The following RAD17 variants were observed in gnomAD, a reference collection of about 807,000 sequenced individuals.
RAD17 encodes the protein RAD17 checkpoint clamp loader component.
A neutral mutation model predicts 81.5 loss-of-function variants in RAD17; 31 were observed. The ratio of observed to expected loss-of-function variants is 0.38; its 90% CI spans 0.29 to 0.51. The LOEUF is 0.51. Among genes scored for constraint, RAD17 ranks in the 20% least tolerant of loss-of-function variants. The pLI is 0.88. For synonymous variants in RAD17, 261 were observed against 266.2 expected (o/e 0.98, Z 0.19); for missense variants, 681 against 781.2 (o/e 0.87, Z 1.53).
chr5:69,369,800 G>C, upstream of RAD17: 1 of 1,292,978 alleles, frequency 7.7e-7, no homozygotes, highest in Non-Finnish European at 1.1e-6. Context: ...GACCAGTCTG[G>C]AAGGTCCCCG....
intron 17 of RAD17, among the ~76,000 whole-genome samples, chr5:69,406,794 A>G (rs1469065843): frequency 5.3e-5 from 8 of 151,962 alleles, no homozygotes; most frequent in Admixed American, 5.3e-4. Flanking sequence ...GGTGTGAGCT[A>G]CCACACCGAA....
At chr5:69,403,228 C>T (rs1249672226) in intron 17 of RAD17, among the ~76,000 whole-genome samples, 1 of 152,128 alleles carries the variant, frequency 6.6e-6, no homozygotes, top group Admixed American at 6.6e-5. Flanking sequence ...ATTTAGTTTC[C>T]GTGTGTTTTT....
chr5:69,406,957 T>A (rs1414010908), intron 17 of RAD17, among the ~76,000 whole-genome samples: 4 of 151,744 alleles, frequency 2.6e-5, no homozygotes, highest in Non-Finnish European at 5.9e-5. Flanking sequence ...AGTAAATATA[T>A]ACAATTTTGT....
At chr5:69,412,194 G>A (rs1766053732) in intron 18 of RAD17, among the ~76,000 whole-genome samples, 1 of 151,990 alleles carries the variant, frequency 6.6e-6, no homozygotes, top group African/African-American at 2.4e-5. Flanking sequence ...CTGACCTCGT[G>A]ATCCGCCCAC....
chr5:69,414,661 G>T lies in RAD17; in HGVS notation c.*369G>T. The T allele has an allele frequency of 3.7e-6, 1 of 271,628 alleles. No homozygotes were observed. The highest frequency in any genetic ancestry group is 7.0e-6 in the Non-Finnish European group (1 of 142,926). 16.8% of individuals were successfully genotyped at this position (271,628 alleles called of 1,614,324 possible). ...ATTCAACAGTTTAGGATGCAATTAC[G>T]AGTGTAAACTGTGTGCCTTATTTAC... On this transcript the variant is annotated 3_prime_UTR_variant, in exon 19 of 19. Transcript: ENST00000354868.
intron 7 of RAD17, chr5:69,384,172 A>G (rs773432809): frequency 1.3e-5 from 2 of 152,082 alleles, no homozygotes; most frequent in African/African-American, 2.4e-5. Flanking sequence ...TCTCAAAACA[A>G]ACAAACCAAA....
Position 69,414,437 on chromosome 5 carries a change from C to T in RAD17, c.*145C>T. On this transcript the variant is annotated 3_prime_UTR_variant, in exon 19 of 19. Transcript: ENST00000354868. The stretch of plus-strand genomic sequence containing the variant: ...TCTTGTAGTATTTCATCACAAGAAA[C>T]CTACTCTTCTGTCATCTTGAAGTAA... The T allele has an allele frequency of 1.1e-6, 1 of 920,046 alleles. No homozygotes were observed. Among genetic ancestry groups the T allele is most frequent in the Non-Finnish European group, 1.6e-6 (1 of 623,914 alleles). The allele number at this position is 920,046 out of a possible 1,614,324, so 57.0% of individuals were successfully genotyped here. A position where few individuals can be genotyped will look rare whatever the true frequency, so the allele number is the denominator to read the frequency against.
intron 17 of RAD17, among the ~76,000 whole-genome samples, chr5:69,404,596 C>T (rs1428857059): frequency 6.6e-6 from 1 of 151,990 alleles, no homozygotes; most frequent in Non-Finnish European, 1.5e-5. Context: ...GGCAAAACCC[C>T]ACCTGTACTG....
chr5:69,403,466 C>G (rs1765398776), intron 17 of RAD17, among the ~76,000 whole-genome samples: 1 of 152,158 alleles, frequency 6.6e-6, no homozygotes, highest in African/African-American at 2.4e-5. Context: ...TTCATCATGT[C>G]CACTGCATAA....
rs17230068 is a variant in RAD17, at chr5:69,393,105, A to G, written c.1190-50A>G. On this transcript the variant is annotated intron_variant, in intron 13 of 18. Transcript: ENST00000354868. ...AAACTCTTCAAATGAGAGGTGCTAT[A>G]TAATTATAAAGAAGGTATTATCTTT... is the stretch of plus-strand genomic sequence containing the variant. The G allele has an allele frequency of 1.9e-4, 246 of 1,282,944 alleles. No homozygotes were observed. In the African/African-American group the frequency reaches 2.9e-3, roughly 15 times the overall value. The allele number at this position is 1,282,944 out of a possible 1,614,324, so 79.5% of individuals were successfully genotyped here.
chr5:69,384,189 T>C (rs990782835), intron 7 of RAD17: 3 of 152,052 alleles, frequency 2.0e-5, no homozygotes, highest in Admixed American at 2.0e-4. Flanking sequence ...CAAACCCTTA[T>C]CACTGAAGGT....
At chr5:69,372,247 T>C (rs773746937) in intron 4 of RAD17, 30 bp downstream of exon 4, 3 of 1,529,900 alleles carry the variant, frequency 2.0e-6, no homozygotes, top group East Asian at 4.5e-5. Flanking sequence ...TTTCCAGTGG[T>C]CTTCCTTTTT....
intron 15 of RAD17, among the ~76,000 whole-genome samples, chr5:69,395,537 G>T (rs955121841): frequency 6.6e-6 from 1 of 152,082 alleles, no homozygotes; most frequent in Non-Finnish European, 1.5e-5. Flanking sequence ...ATAACGAAAA[G>T]AGTATAATTG....
chr5:69,371,480 G>A lies in RAD17; in HGVS notation c.-253G>A, dbSNP rs2150758768. 9.2e-7 allele frequency: 1 copy of A among 1,085,412 alleles called. No homozygotes were observed. 67.2% of individuals were successfully genotyped at this position (1,085,412 alleles called of 1,614,324 possible). ...TGAATTATAGTTTAATGTACTGCAA[G>A]TCCTAAACTACGGATGGGAACTATT... On this transcript the variant is annotated 5_prime_UTR_variant, in exon 3 of 19. Transcript: ENST00000354868.
In RAD17 at chr5:69,377,623, G is replaced by GCATATATATGTATACATATGTATA. The variant is rs1561240139; in HGVS notation, c.351+2931_351+2932insGTATACATATATATGTATACATAT. 7.8e-4 allele frequency among the ~76,000 whole-genome samples: 12 copies of GCATATATATGTATACATATGTATA among 15,406 alleles called. 4 individuals are homozygous for GCATATATATGTATACATATGTATA. The highest frequency in any genetic ancestry group is 3.0e-3 in the African/African-American group (10 of 3,332). 10.1% of individuals were successfully genotyped at this position (15,406 alleles called of 152,430 possible). A position where few individuals can be genotyped will look rare whatever the true frequency, so the allele number is the denominator to read the frequency against. On this transcript the variant is annotated intron_variant, in intron 6 of 18. Transcript: ENST00000354868. The stretch of plus-strand genomic sequence containing the variant: ...CATATATATATGTATACATATATAT[G>GCATATATATGTATACATATGTATA]CATATATATGTATACATATATATAT...
At chr5:69,392,540 G>C (rs888899207) in intron 13 of RAD17, among the ~76,000 whole-genome samples, 8 of 151,870 alleles carry the variant, frequency 5.3e-5, no homozygotes, top group Non-Finnish European at 1.0e-4. Flanking sequence ...CCCTCCTTTT[G>C]ATAGCAAATG....
intron 4 of RAD17, among the ~76,000 whole-genome samples, 179 bp from the exon 5 acceptor site, chr5:69,373,651 G>T (rs1763145025): frequency 6.8e-6 from 1 of 146,486 alleles, no homozygotes; most frequent in East Asian, 2.0e-4. Flanking sequence ...CTGCAGTCCA[G>T]CCTGGGTGAC....
chr5:69,386,210 T>C lies in RAD17; in HGVS notation c.729T>C (p.Leu243=). ...ATGTGAGGATTGGTCGATGTCCTCTTATATTTATAATCTCGGACAGTCTCA... is the reference window on the plus strand; with the variant it reads ...ATGTGAGGATTGGTCGATGTCCTCTCATATTTATAATCTCGGACAGTCTCA... ...RKYVRIGRCP[L]IFIISDSLSG... The change falls in exon 10 of 19, where the codon CTT becomes CTC. Residue 243 remains leucine (L), a synonymous_variant. Coordinates refer to ENST00000354868, the MANE Select transcript of RAD17 (RefSeq NM_133338.3). The C allele has an allele frequency of 6.2e-7, 1 of 1,607,878 alleles. No individual in the cohort carries two copies. The highest frequency in any genetic ancestry group is 8.5e-7 in the Non-Finnish European group (1 of 1,176,560).
Position 69,396,438 on chromosome 5 carries a change from G to A in RAD17, c.1464G>A (p.Thr488=), listed in dbSNP as rs772310870. Residue 488 remains threonine (T), a synonymous_variant, in exon 16 of 19, where the codon ACG becomes ACA. Transcript: ENST00000354868. Reference sequence around the variant, plus strand: ...GGGAATATAGCACATCTATAGCTACGAGAGGTGTGATGCATTCCAACAAAG... The same window carrying A: ...GGGAATATAGCACATCTATAGCTACAAGAGGTGTGATGCATTCCAACAAAG... The part of the protein sequence containing the change: ...LLREYSTSIA[T]RGVMHSNKAR... The A allele has an allele frequency of 1.7e-5, 27 of 1,612,892 alleles. No homozygotes were observed. The highest frequency in any genetic ancestry group is 2.0e-5 in the Non-Finnish European group (23 of 1,179,472).
Sources: gnomAD v4.1 joint callset for allele counts (sites outside exome capture counted in the v4.1 genomes callset) on GRCh38, gnomAD v4.1.1 for gene constraint, MANE v1.5 for transcripts, NCBI Gene and HGNC (gene_info 2026-07-23, HGNC 2026-07-21) for gene names.